GLI2: variants seen among roughly 807,000 people sequenced by gnomAD.
GLI2 encodes the protein transcription activator GLI2.
A neutral mutation model predicts 78.9 loss-of-function variants in GLI2; 22 were observed. The ratio of observed to expected loss-of-function variants is 0.28; its 90% CI spans 0.20 to 0.40. The LOEUF (loss-of-function observed/expected upper bound fraction) is 0.40, where lower values mean the gene tolerates loss of function less well. GLI2 is among the 10% of genes least tolerant of loss of function. GLI2 has a pLI of 1.00. For synonymous variants in GLI2, 974 were observed against 963.7 expected (o/e 1.01, Z -0.20); for missense variants, 2,097 against 2,213.2 (o/e 0.95, Z 1.05).
At chr2:120,887,239 G>A (rs1677456220) in intron 2 of GLI2, among the ~76,000 whole-genome samples, 1 of 152,166 alleles carries the variant, frequency 6.6e-6, no homozygotes, top group African/African-American at 2.4e-5. Flanking sequence ...CTGCTTGTGG[G>A]AGGGAACATC....
intron 1 of GLI2, among the ~76,000 whole-genome samples, chr2:120,787,703 G>T (rs1329341264): frequency 6.6e-6 from 1 of 152,220 alleles, no homozygotes; most frequent in Non-Finnish European, 1.5e-5. Context: ...CACACAGTGG[G>T]CCCCTTGTTC....
chr2:120,987,412 C>T (rs12711537), intron 13 of GLI2, among the ~76,000 whole-genome samples: 91,831 of 152,026 alleles, frequency 0.6, 29,242 homozygotes, highest in Non-Finnish European at 0.72. Context: ...TCCCAGCAGC[C>T]CCGCATGCAA....
rs754953902 is a variant in GLI2, at chr2:120,990,242, G to A, written c.4277G>A (p.Ser1426Asn). ...PQDAGGAPDH[S>N]MLYYYGQIHM... ...GACGCAGGTGGGGCCCCGGACCACA[G>A]CATGCTCTACTACTACGGCCAGATC... Residue 1426 changes from serine (S) to asparagine (N), a missense_variant, in exon 14 of 14, where the codon AGC becomes AAC. Ser to Asn is a conservative substitution (Grantham distance 46, BLOSUM62 1). Coordinates refer to ENST00000361492, the MANE Select transcript of GLI2 (RefSeq NM_001374353.1). 2 of 1,613,688 alleles carry A rather than the reference G, an allele frequency of 1.2e-6. No individual in the cohort carries two copies. The highest frequency in any genetic ancestry group is 1.7e-6 in the Non-Finnish European group (2 of 1,180,030).
chr2:120,815,350 C>T (rs1202595709), intron 2 of GLI2, among the ~76,000 whole-genome samples: 2 of 152,174 alleles, frequency 1.3e-5, no homozygotes, highest in African/African-American at 4.8e-5. Context: ...CCATCTGTAA[C>T]AGGAGCTGCA....
At chr2:120,845,055 T>TTGAG (rs1404366294) in intron 2 of GLI2, among the ~76,000 whole-genome samples, 1 of 152,034 alleles carries the variant, frequency 6.6e-6, no homozygotes, top group Non-Finnish European at 1.5e-5. Context: ...GGTGGATCAC[T>TTGAG]TGAGGTCAGG....
chr2:120,762,453 G>A (rs1387747355), intron 1 of GLI2, among the ~76,000 whole-genome samples: 1 of 152,166 alleles, frequency 6.6e-6, no homozygotes, highest in African/African-American at 2.4e-5. Flanking sequence ...CCAAGGCTGG[G>A]CTCTCTCCCC....
chr2:120,915,057 T>A (rs1558879035), intron 2 of GLI2, among the ~76,000 whole-genome samples: 1 of 152,156 alleles, frequency 6.6e-6, no homozygotes, highest in Non-Finnish European at 1.5e-5. Flanking sequence ...TGGAGCACAC[T>A]CCTCACCCTG....
At chr2:120,933,315 GT>G (rs138608587) in intron 3 of GLI2, among the ~76,000 whole-genome samples, 4,445 of 152,274 alleles carry the variant, frequency 0.029, 234 homozygotes, top group African/African-American at 0.1. Flanking sequence ...TGCTCACGTG[GT>G]TCCAGGGGAG....
rs775943788 is a variant in GLI2, at chr2:120,982,758, A to C, written c.1510A>C (p.Lys504Gln). ...SKAYSRLENL[K>Q]THLRSHTGEK... The stretch of plus-strand genomic sequence containing the variant: ...GGCCTACTCCCGCCTGGAGAACCTG[A>C]AGACACACCTGCGGTCCCACACCGG... Residue 504 changes from lysine (K) to glutamine (Q), a missense_variant, in exon 11 of 14, where the codon AAG (lysine) becomes CAG (glutamine). Physicochemically the swap from Lys to Gln is moderately conservative, Grantham distance 53 (BLOSUM62 1). Around this residue, in one of 5 missense-constraint regions of GLI2, gnomAD observed 104 missense variants for 190.6 expected, o/e 0.55. Coordinates refer to ENST00000361492, the MANE Select transcript of GLI2 (RefSeq NM_001374353.1). 1 of 1,614,026 alleles carries C rather than the reference A, an allele frequency of 6.2e-7. No individual in the cohort carries two copies. Among genetic ancestry groups the C allele is most frequent in the Non-Finnish European group, 8.5e-7 (1 of 1,179,928 alleles).
chr2:120,919,749 C>A (rs1170216871), intron 2 of GLI2, among the ~76,000 whole-genome samples: 1 of 152,244 alleles, frequency 6.6e-6, no homozygotes, highest in African/African-American at 2.4e-5. Context: ...GGGCTGAGGG[C>A]CCTGGTGTTT....
chr2:120,876,068 G>T (rs1688721427), intron 2 of GLI2, among the ~76,000 whole-genome samples: 1 of 152,212 alleles, frequency 6.6e-6, no homozygotes, highest in African/African-American at 2.4e-5. Flanking sequence ...CAGGCCGGGT[G>T]CGGTGGCTCA....
At chr2:120,773,711 G>A (rs1321682796) in intron 1 of GLI2, among the ~76,000 whole-genome samples, 2 of 152,094 alleles carry the variant, frequency 1.3e-5, no homozygotes, top group African/African-American at 2.4e-5. Context: ...GTGCATAGTC[G>A]CAGGTGGCAG....
intron 2 of GLI2, among the ~76,000 whole-genome samples, chr2:120,903,435 C>A (rs277531): frequency 0.055 from 8,440 of 152,222 alleles, 303 homozygotes; most frequent in African/African-American, 0.11. Flanking sequence ...GTGCTAGTGA[C>A]CCTCCCCCTG....
Position 120,990,051 on chromosome 2 carries a change from C to A in GLI2, c.4086C>A (p.Pro1362=). The change falls in exon 14 of 14, where the codon CCC becomes CCA. Residue 1362 remains proline (P), a synonymous_variant. Transcript: ENST00000361492. ...VQPRPPLEPS[P]TGRHRGVRAV... ...CCCGGCCTCCCCTCGAGCCCAGCCC[C>A]ACTGGCCGCCACCGTGGGGTACGTG... 6.2e-7 allele frequency: 1 copy of A among 1,601,928 alleles called. No individual in the cohort carries two copies. The highest frequency in any genetic ancestry group is 1.1e-5 in the South Asian group (1 of 89,646).
At chr2:120,918,384 G>A (rs915165082) in intron 2 of GLI2, among the ~76,000 whole-genome samples, 8 of 152,072 alleles carry the variant, frequency 5.3e-5, no homozygotes, top group African/African-American at 1.9e-4. Flanking sequence ...TCAGAGATGG[G>A]GAAGGGCATT....
At chr2:120,964,068 A>G (rs1367273527) in intron 5 of GLI2, among the ~76,000 whole-genome samples, 2 of 152,180 alleles carry the variant, frequency 1.3e-5, no homozygotes, top group African/African-American at 4.8e-5. Flanking sequence ...CTCCTAATGC[A>G]TGGTGAGAAA....
At chr2:120,761,083 G>A (rs1176978755) in intron 1 of GLI2, among the ~76,000 whole-genome samples, 1 of 152,216 alleles carries the variant, frequency 6.6e-6, no homozygotes, top group Non-Finnish European at 1.5e-5. Context: ...GGCTGGTTTG[G>A]ATCTTGGTGT....
chr2:120,756,204 G>A (rs950719965), intron 1 of GLI2, among the ~76,000 whole-genome samples: 2 of 152,136 alleles, frequency 1.3e-5, no homozygotes, highest in African/African-American at 2.4e-5. Flanking sequence ...GCTCATGAAC[G>A]AGGTATGTCC....
chr2:120,950,794 T>C (rs1464718214), intron 3 of GLI2, among the ~76,000 whole-genome samples: 5 of 152,232 alleles, frequency 3.3e-5, no homozygotes, highest in Admixed American at 1.3e-4. Context: ...TTTTCACATA[T>C]CCTGTTAGCA....
Sources: allele counts gnomAD v4.1 joint callset (sites outside exome capture counted in the v4.1 genomes callset), GRCh38; gene constraint gnomAD v4.1.1; regional missense constraint gnomAD v4.1.1; transcripts MANE v1.5; gene names NCBI Gene and HGNC (gene_info 2026-07-23, HGNC 2026-07-21).